POLA1: variants seen among roughly 807,000 people sequenced by gnomAD.
POLA1 encodes the protein DNA polymerase alpha 1, catalytic subunit.
Under a neutral mutation model 124.0 loss-of-function variants are expected in POLA1, and 15 were observed. The ratio of observed to expected loss-of-function variants is 0.12; its 90% CI spans 0.08 to 0.19. The LOEUF (loss-of-function observed/expected upper bound fraction) is 0.19, where lower values mean the gene tolerates loss of function less well. POLA1 is among the 10% of genes least tolerant of loss of function. The pLI, the probability that POLA1 is intolerant of heterozygous loss-of-function variation, is 1.00. For missense variants in POLA1, 886 were observed against 1,103.4 expected, an observed-to-expected ratio of 0.80 and a Z score of 2.79; for synonymous variants, 408 against 389.4, an observed-to-expected ratio of 1.05 and a Z score of -0.56.
At chrX:24,810,114 C>T (rs574269422) in intron 27 of POLA1, among the ~76,000 whole-genome samples, 184 bp downstream of exon 27, 1 of 111,408 alleles carries the variant, frequency 9.0e-6, no homozygotes, top group African/African-American at 3.3e-5. Context: ...TGATCTAGCC[C>T]CTGCTTGAAG....
At position 24,723,086 on chromosome X, in the gene POLA1, C is replaced by T; in HGVS notation, c.1088-69C>T. Reference sequence around the variant, plus strand: ...ATGTGTGGACACATTCAGTGAGCCTCTATATTGTTCCTTTAATTAGGTGAA... The same window carrying T: ...ATGTGTGGACACATTCAGTGAGCCTTTATATTGTTCCTTTAATTAGGTGAA... On this transcript the variant is annotated intron_variant, in intron 10 of 36. Coordinates refer to ENST00000379068, the MANE Select transcript of POLA1 (RefSeq NM_001330360.2). The T allele has an allele frequency of 1.4e-5, 10 of 734,454 alleles. No homozygotes were observed. In the South Asian group the frequency reaches 2.0e-4, roughly 15 times the overall value. The allele number at this position is 734,454 out of a possible 1,213,427, so 60.5% of individuals were successfully genotyped here.
intron 35 of POLA1, among the ~76,000 whole-genome samples, chrX:24,918,420 T>C (rs1401906893): frequency 9.0e-6 from 1 of 111,623 alleles, no homozygotes; most frequent in Non-Finnish European, 1.9e-5. Flanking sequence ...ACAGTAGAGA[T>C]ACATTAAAGG....
intron 35 of POLA1, among the ~76,000 whole-genome samples, chrX:24,889,945 T>TA (rs1314832872): frequency 8.9e-6 from 1 of 112,206 alleles, no homozygotes; most frequent in African/African-American, 3.2e-5. Context: ...TGCAAATAGC[T>TA]ACCATCGTTG....
chrX:24,771,295 G>A (rs1477788090), intron 26 of POLA1, among the ~76,000 whole-genome samples: 1 of 111,570 alleles, frequency 9.0e-6, no homozygotes, highest in Non-Finnish European at 1.9e-5. Flanking sequence ...GATAGGAATT[G>A]TAGGGAGGAC....
chrX:24,866,800 A>G (rs1374619248), intron 34 of POLA1, among the ~76,000 whole-genome samples: 1 of 112,252 alleles, frequency 8.9e-6, no homozygotes, highest in East Asian at 2.8e-4. Flanking sequence ...TACTGGATAG[A>G]TAAATGTGTT....
chrX:24,861,409 G>C (rs1170521412), intron 34 of POLA1, among the ~76,000 whole-genome samples: 1 of 112,904 alleles, frequency 8.9e-6, no homozygotes, highest in Non-Finnish European at 1.9e-5. Flanking sequence ...TGGGATTACA[G>C]GTGTGAGCCA....
At chrX:24,861,558 T>A (rs1444656564) in intron 34 of POLA1, among the ~76,000 whole-genome samples, 1 of 112,955 alleles carries the variant, frequency 8.9e-6, no homozygotes, top group Non-Finnish European at 1.9e-5. Context: ...TCTCTGGTAA[T>A]CTTTTTTGTG....
At chrX:24,711,226 C>T (rs1226469770) in intron 4 of POLA1, among the ~76,000 whole-genome samples, 1 of 112,054 alleles carries the variant, frequency 8.9e-6, no homozygotes, top group African/African-American at 3.2e-5. Context: ...TCAAGCAGTC[C>T]GCCCGTTTTG....
chrX:24,754,456 C>T (rs775969231), intron 26 of POLA1, among the ~76,000 whole-genome samples: 10 of 110,241 alleles, frequency 9.1e-5, no homozygotes, highest in East Asian at 2.8e-4. Context: ...GGGGTTTCTC[C>T]GTGGTCAGGC....
intron 34 of POLA1, among the ~76,000 whole-genome samples, chrX:24,877,926 T>G (rs201588364): frequency 1.2e-3 from 112 of 89,717 alleles, no homozygotes; most frequent in Admixed American, 3.4e-3. Flanking sequence ...TTTTTTTTTT[T>G]GTTTTTTTTT....
In POLA1 at chrX:24,978,654, C is replaced by T. The variant is rs191371623; in HGVS notation, c.4262-17151C>T. ...AATGATAGATGAGGAAATGGAGGTCCGGAGAGGTTTAAAAGCCTGCTCAAG... is the reference window on the plus strand; with the variant it reads ...AATGATAGATGAGGAAATGGAGGTCTGGAGAGGTTTAAAAGCCTGCTCAAG... On this transcript the variant is annotated intron_variant, in intron 36 of 36. Coordinates refer to ENST00000379068, the MANE Select transcript of POLA1 (RefSeq NM_001330360.2). 3.2e-3 allele frequency among the ~76,000 whole-genome samples: 362 copies of T among 111,706 alleles called. 2 individuals carry two copies. Among genetic ancestry groups the T allele is most frequent in the Middle Eastern group, 9.4e-3 (2 of 213 alleles).
intron 35 of POLA1, among the ~76,000 whole-genome samples, chrX:24,906,200 C>G (rs1328958039): frequency 8.9e-6 from 1 of 112,273 alleles, no homozygotes; most frequent in Non-Finnish European, 1.9e-5. Flanking sequence ...AAGACACATG[C>G]ACATGCTTGT....
chrX:24,807,357 G>C (rs759894394), intron 26 of POLA1, among the ~76,000 whole-genome samples: 6 of 112,298 alleles, frequency 5.3e-5, no homozygotes, highest in South Asian at 3.7e-4. Context: ...AAGAGGCAGA[G>C]GGTAAAGAGG....
intron 34 of POLA1, among the ~76,000 whole-genome samples, chrX:24,875,915 C>G (rs2046924689): frequency 9.0e-6 from 1 of 111,703 alleles, no homozygotes; most frequent in Non-Finnish European, 1.9e-5. Flanking sequence ...ATGAGAAAGT[C>G]AGCTTTGATA....
intron 35 of POLA1, among the ~76,000 whole-genome samples, chrX:24,902,373 A>T (rs1004413445): frequency 8.9e-6 from 1 of 111,826 alleles, no homozygotes; most frequent in African/African-American, 3.3e-5. Flanking sequence ...CTTTCTCTAC[A>T]TAATCTATTT....
chrX:24,723,034 T>C, intron 10 of POLA1, 121 bp from the exon 11 acceptor site: 1 of 520,524 alleles, frequency 1.9e-6, no homozygotes, highest in East Asian at 3.4e-5. Context: ...ATATTTGCTG[T>C]CAAAATGAGT....
At chrX:24,791,947 T>G (rs906579453) in intron 26 of POLA1, among the ~76,000 whole-genome samples, 2 of 112,089 alleles carry the variant, frequency 1.8e-5, no homozygotes, top group African/African-American at 6.5e-5. Flanking sequence ...ATCATTATAG[T>G]TAAGATTTAT....
At chrX:24,880,640 GT>G (rs1482510419) in intron 34 of POLA1, among the ~76,000 whole-genome samples, 1 of 111,744 alleles carries the variant, frequency 8.9e-6, no homozygotes, top group Non-Finnish European at 1.9e-5. Flanking sequence ...AAAGCAATTT[GT>G]TTTTTGATAT....
intron 28 of POLA1, among the ~76,000 whole-genome samples, chrX:24,811,935 C>G (rs1389180757): frequency 8.9e-6 from 1 of 112,529 alleles, no homozygotes; most frequent in Non-Finnish European, 1.9e-5. Context: ...GTTTTAGAAA[C>G]ACTTGCTATG....
Sources: gnomAD v4.1 joint callset for allele counts (sites outside exome capture counted in the v4.1 genomes callset) on GRCh38, gnomAD v4.1.1 for gene constraint, MANE v1.5 for transcripts, NCBI Gene and HGNC (gene_info 2026-07-23, HGNC 2026-07-21) for gene names.